Variants in NBAS observed in about 807,000 individuals in gnomAD.
NBAS encodes the protein NBAS subunit of NRZ tethering complex.
Under a neutral mutation model 302.5 loss-of-function variants are expected in NBAS, and 219 were observed. The ratio of observed to expected loss-of-function variants is 0.72; its 90% CI spans 0.65 to 0.81. NBAS has a LOEUF of 0.81. Among genes scored for constraint, NBAS ranks in the 30% least tolerant of loss-of-function variants. The pLI is 0.00. For missense variants in NBAS, 2,932 were observed against 2,841.6 expected (o/e 1.03, Z -0.72); for synonymous variants, 1,118 against 1,021.6 (o/e 1.09, Z -1.80).
chr2:14,898,878 T>C, the NBAS span, among the ~76,000 whole-genome samples: 1 of 152,178 alleles, frequency 6.6e-6, no homozygotes, highest in African/African-American at 2.4e-5. Flanking sequence ...CTTACTATTG[T>C]CTCTATGGTT....
the NBAS span, among the ~76,000 whole-genome samples, chr2:15,135,583 C>A: frequency 6.6e-6 from 1 of 152,000 alleles, no homozygotes; most frequent in Non-Finnish European, 1.5e-5. Context: ...GAGGAGTGAG[C>A]CGAGCATGGA....
At chr2:15,220,764 A>G (rs1210051104) in intron 47 of NBAS, among the ~76,000 whole-genome samples, 2 of 152,206 alleles carry the variant, frequency 1.3e-5, no homozygotes, top group African/African-American at 4.8e-5. Context: ...CTGTAGCCAG[A>G]TCCTTATAAG....
intron 38 of NBAS, among the ~76,000 whole-genome samples, chr2:15,319,938 CA>C (rs960530640): frequency 3.4e-5 from 5 of 145,858 alleles, no homozygotes; most frequent in African/African-American, 7.5e-5. Flanking sequence ...AGAGACACAA[CA>C]AAAAAAAAAG....
At chr2:15,085,160 G>A in the NBAS span, among the ~76,000 whole-genome samples, 155 of 152,264 alleles carry the variant, frequency 1.0e-3, no homozygotes, top group South Asian at 3.9e-3. Context: ...GGCCCGGGGT[G>A]GTGCCACACT....
the NBAS span, among the ~76,000 whole-genome samples, chr2:15,107,327 C>A: frequency 6.6e-6 from 1 of 152,070 alleles, no homozygotes; most frequent in Non-Finnish European, 1.5e-5. Flanking sequence ...CTCATGAGAA[C>A]CCGACCATGC....
intron 51 of NBAS, among the ~76,000 whole-genome samples, chr2:15,169,649 T>C (rs369330315): frequency 1.3e-5 from 2 of 152,182 alleles, no homozygotes; most frequent in African/African-American, 4.8e-5. Flanking sequence ...CCTAGTTTAC[T>C]TGTTTATTGT....
At chr2:15,403,150 A>G (rs964333207) in intron 25 of NBAS, among the ~76,000 whole-genome samples, 2 of 152,220 alleles carry the variant, frequency 1.3e-5, no homozygotes, top group Non-Finnish European at 2.9e-5. Flanking sequence ...TTCCATGATA[A>G]TAGTCTACTG....
chr2:15,486,191 G>A (rs577040833), intron 12 of NBAS, among the ~76,000 whole-genome samples: 36 of 152,300 alleles, frequency 2.4e-4, no homozygotes, highest in African/African-American at 5.3e-4. Context: ...AGGACACCAC[G>A]ACTCATACAA....
In NBAS at chr2:15,440,832, C is replaced by T. The variant is rs577055449; in HGVS notation, c.2340-13038G>A. 6.0e-3 allele frequency among the ~76,000 whole-genome samples: 909 copies of T among 151,940 alleles called. 8 individuals are homozygous for T. Among genetic ancestry groups the T allele is most frequent in the African/African-American group, 0.017 (689 of 41,360 alleles). On this transcript the variant is annotated intron_variant, in intron 21 of 51. Coordinates refer to ENST00000281513, the MANE Select transcript of NBAS (RefSeq NM_015909.4). The stretch of plus-strand genomic sequence containing the variant: ...TTAAAGGAGCTGATGGAGCTGAAAG[C>T]CAAGGCTGGAGAACTACGTGAAGAA...
intron 9 of NBAS, among the ~76,000 whole-genome samples, chr2:15,528,885 A>ATATATATATGTGTGTG (rs377463380): frequency 3.2e-5 from 4 of 123,208 alleles, no homozygotes; most frequent in Non-Finnish European, 6.6e-5. Context: ...AAAAATATAT[A>ATATATATATGTGTGTG]TATATATATA....
chr2:15,232,114 A>G (rs993064016), intron 47 of NBAS, among the ~76,000 whole-genome samples: 7 of 152,140 alleles, frequency 4.6e-5, no homozygotes, highest in East Asian at 1.9e-4. Flanking sequence ...TGTGTTGGAA[A>G]TGAGAATCCC....
chr2:15,220,052 C>T (rs1171182267), intron 47 of NBAS, among the ~76,000 whole-genome samples: 1,351 of 102,870 alleles, frequency 0.013, no homozygotes, highest in Non-Finnish European at 0.018. Context: ...ACCTCCCTCC[C>T]GGACGGGGCG....
At chr2:14,894,919 G>A in the NBAS span, among the ~76,000 whole-genome samples, 2 of 152,108 alleles carry the variant, frequency 1.3e-5, no homozygotes, top group African/African-American at 2.4e-5. Context: ...TTAGTTGGGC[G>A]TGGTGAAGCG....
At chr2:15,491,165 A>G (rs534376380) in intron 11 of NBAS, among the ~76,000 whole-genome samples, 5 of 152,332 alleles carry the variant, frequency 3.3e-5, no homozygotes, top group African/African-American at 1.2e-4. Context: ...CAGGAAAGTC[A>G]TTCCCACCTT....
chr2:15,231,801 T>C lies in NBAS; in HGVS notation c.6236+621A>G, dbSNP rs10180878. On this transcript the variant is annotated intron_variant, in intron 47 of 51. Coordinates refer to ENST00000281513, the MANE Select transcript of NBAS (RefSeq NM_015909.4). ...CATATTTTCAATTAAAGAAAGAAAA[T>C]TGGGGAGAGGACTTACATGGCTGAC... Among the ~76,000 whole-genome samples, 1,146 of 152,104 alleles carry C rather than the reference T, an allele frequency of 7.5e-3. 15 individuals are homozygous for C. Among genetic ancestry groups the C allele is most frequent in the African/African-American group, 0.026 (1,098 of 41,496 alleles).
At chr2:14,831,358 A>G in the NBAS span, among the ~76,000 whole-genome samples, 1 of 152,216 alleles carries the variant, frequency 6.6e-6, no homozygotes, top group Non-Finnish European at 1.5e-5. Flanking sequence ...TGGGGATAAA[A>G]TAATATATTA....
the NBAS span, among the ~76,000 whole-genome samples, chr2:14,870,050 T>C: frequency 6.6e-6 from 1 of 152,254 alleles, no homozygotes; most frequent in Non-Finnish European, 1.5e-5. Context: ...TTTAAAATGA[T>C]GGTTTTCAAA....
the NBAS span, among the ~76,000 whole-genome samples, chr2:15,127,912 T>G: frequency 6.6e-6 from 1 of 152,108 alleles, no homozygotes; most frequent in African/African-American, 2.4e-5. Flanking sequence ...GGCGACTCGA[T>G]GAGGTATTTC....
chr2:14,825,354 G>T, the NBAS span, among the ~76,000 whole-genome samples: 1 of 152,276 alleles, frequency 6.6e-6, no homozygotes, highest in South Asian at 2.1e-4. Context: ...TGGTGAACAT[G>T]GTTGTTATCT....
Sources: gnomAD v4.1 joint callset for allele counts (sites outside exome capture counted in the v4.1 genomes callset) on GRCh38, gnomAD v4.1.1 for gene constraint, MANE v1.5 for transcripts, NCBI Gene and HGNC (gene_info 2026-07-23, HGNC 2026-07-21) for gene names.